MPDZ: variants seen among roughly 807,000 people sequenced by gnomAD.
The protein encoded by MPDZ is multiple PDZ domain crumbs cell polarity complex component.
A neutral mutation model predicts 239.1 loss-of-function variants in MPDZ; 234 were observed. The ratio of observed to expected loss-of-function variants is 0.98; its 90% CI spans 0.88 to 1.09. The LOEUF (loss-of-function observed/expected upper bound fraction) is 1.09. Among genes scored for constraint, MPDZ ranks in the 50% least tolerant of loss-of-function variants. MPDZ has a pLI of 0.00. For missense variants in MPDZ, 3,175 were observed against 2,510.0 expected (o/e 1.26, Z -5.66); for synonymous variants, 1,048 against 881.3 (o/e 1.19, Z -3.35).
intron 10 of MPDZ, among the ~76,000 whole-genome samples, chr9:13,208,328 C>T (rs539013602): frequency 1.4e-3 from 212 of 152,040 alleles, no homozygotes; most frequent in Non-Finnish European, 2.3e-3. Context: ...ATTGTAATCC[C>T]ATCTACTCAG....
chr9:13,168,452 G>C lies in MPDZ; in HGVS notation c.3168C>G (p.Ser1056=). The change falls in exon 22 of 47, where the codon TCC becomes TCG. Residue 1056 remains serine (S), a synonymous_variant. Coordinates refer to ENST00000319217, the MANE Select transcript of MPDZ (RefSeq NM_001378778.1). The part of the protein sequence containing the change: ...GRIAIGDCIL[S]INEESTISVT... ...CACTGATGGTAGACTCTTCATTAATGGACAAGATGCAGTCCCCAATGGCAA... is the reference window on the plus strand; with the variant it reads ...CACTGATGGTAGACTCTTCATTAATCGACAAGATGCAGTCCCCAATGGCAA... The C allele has an allele frequency of 6.2e-7, 1 of 1,613,492 alleles. No homozygotes were observed. Among genetic ancestry groups the C allele is most frequent in the Non-Finnish European group, 8.5e-7 (1 of 1,179,560 alleles).
chr9:13,151,509 G>C (rs1949167477), intron 24 of MPDZ, among the ~76,000 whole-genome samples: 1 of 152,066 alleles, frequency 6.6e-6, no homozygotes, highest in Admixed American at 6.6e-5. Context: ...AAGACATTAT[G>C]CTAAGTGAAG....
intron 3 of MPDZ, among the ~76,000 whole-genome samples, chr9:13,240,402 T>C (rs1040217757): frequency 6.6e-6 from 1 of 151,764 alleles, no homozygotes; most frequent in African/African-American, 2.4e-5. Context: ...GAATCTATGA[T>C]TAAAATCTGG....
intron 3 of MPDZ, among the ~76,000 whole-genome samples, chr9:13,239,270 G>C (rs1964803353): frequency 6.6e-6 from 1 of 152,082 alleles, no homozygotes; most frequent in East Asian, 1.9e-4. Context: ...TGCTGTGTAA[G>C]AAGAAAATAA....
chr9:13,120,062 T>C (rs958749632), intron 38 of MPDZ: 1 of 176,954 alleles, frequency 5.7e-6, no homozygotes, highest in African/African-American at 2.4e-5. Context: ...AATGTTGCTA[T>C]CACCATCATT....
At chr9:13,143,625 T>G (rs1344294753) in intron 26 of MPDZ, 61 bp from the exon 27 acceptor site, 1 of 1,360,792 alleles carries the variant, frequency 7.3e-7, no homozygotes, top group African/African-American at 1.4e-5. Context: ...AACTCAGTTT[T>G]AAAAGCAAAG....
chr9:13,194,791 TACCACCCG>T (rs1044262775), intron 13 of MPDZ, among the ~76,000 whole-genome samples: 10 of 152,062 alleles, frequency 6.6e-5, no homozygotes, highest in African/African-American at 2.4e-4. Context: ...ATTATTCAAT[TACCACCCG>T]AAGGACTGCA....
intron 21 of MPDZ, among the ~76,000 whole-genome samples, chr9:13,175,106 C>G (rs544702908): frequency 6.6e-6 from 1 of 152,182 alleles, no homozygotes. Flanking sequence ...AAAGACAGGG[C>G]TGAGTCACAT....
intron 22 of MPDZ, among the ~76,000 whole-genome samples, chr9:13,163,939 G>C (rs1341866875): frequency 2.6e-5 from 4 of 152,122 alleles, no homozygotes; most frequent in Non-Finnish European, 5.9e-5. Context: ...CTTGGGTTTG[G>C]AGTCGGAAGA....
At chr9:13,232,770 T>C (rs1962866444) in intron 3 of MPDZ, among the ~76,000 whole-genome samples, 1 of 144,714 alleles carries the variant, frequency 6.9e-6, no homozygotes, top group Non-Finnish European at 1.5e-5. Context: ...ATGGTTACAA[T>C]ACAAATATCC....
In MPDZ at chr9:13,221,506, A is replaced by T. The variant is rs768019207; in HGVS notation, c.748-6T>A. 3 of 1,607,996 alleles carry T rather than the reference A, an allele frequency of 1.9e-6. No individual in the cohort carries two copies. Among genetic ancestry groups the T allele is most frequent in the Non-Finnish European group, 2.5e-6 (3 of 1,176,610 alleles). On this transcript the variant is annotated splice_region_variant and splice_polypyrimidine_tract_variant and intron_variant, in intron 6 of 46. Coordinates refer to ENST00000319217, the MANE Select transcript of MPDZ (RefSeq NM_001378778.1). ...TCCATGTGTTGCCAGTGAACCTACA[A>T]ACAAAGCTCATATATGAATTTGTAG...
At position 13,190,241 on chromosome 9, in the gene MPDZ, G is replaced by A. The variant is rs1368309728; in HGVS notation, c.2027C>T (p.Ala676Val). Residue 676 changes from alanine to valine, a missense_variant, in exon 16 of 47, where the codon GCG becomes GTG. By Grantham distance (64) the Ala-to-Val change is moderately conservative (BLOSUM62 0). Transcript: ENST00000319217. ...GSSETEDPVL[A>V]MTDAGQSTEE... Reference sequence around the variant, plus strand: ...TGTACTCTGACCCGCATCAGTCATCGCCAGCACTGGATCCTCTGTCTCTGA... The same window carrying A: ...TGTACTCTGACCCGCATCAGTCATCACCAGCACTGGATCCTCTGTCTCTGA... The A allele has an allele frequency of 3.7e-6, 6 of 1,611,904 alleles. No homozygotes were observed. Among genetic ancestry groups the A allele is most frequent in the Admixed American group, 1.7e-5 (1 of 59,818 alleles).
At chr9:13,249,223 G>T (rs543874016) in intron 2 of MPDZ, among the ~76,000 whole-genome samples, 91 of 151,902 alleles carry the variant, frequency 6.0e-4, no homozygotes, top group Admixed American at 4.3e-3. Context: ...TCTGTTATAT[G>T]TCCCATGTTA....
chr9:13,190,111 T>C lies in MPDZ; in HGVS notation c.2154+3A>G, dbSNP rs1563992385. On this transcript the variant is annotated splice_donor_region_variant and intron_variant, in intron 16 of 46. Transcript: ENST00000319217. ...AAAATTGTTAAAAGTAGTATATACT[T>C]ACCTGATAATCTAAAATGCTAAAAC... 5 of 1,610,304 alleles carry C rather than the reference T, an allele frequency of 3.1e-6. No homozygotes were observed. The Admixed American group carries it at 5.0e-5, about 16-fold the overall frequency.
Position 13,221,437 on chromosome 9 carries a change from T to C in MPDZ, c.811A>G (p.Ile271Val), listed in dbSNP as rs1365929277. The change falls in exon 7 of 47, where the codon ATC (isoleucine) becomes GTC (valine). Residue 271 changes from isoleucine to valine, a missense_variant. Ile to Val is a conservative substitution (Grantham distance 29). Transcript: ENST00000319217. ...VNDGSGLGFG[I>V]IGGKATGVIV... ...ACACCAGTTGCTTTTCCTCCTATGA[T>C]GCCAAATCCCAAACCAGATCCATCA... is the stretch of plus-strand genomic sequence containing the variant. 6.2e-7 allele frequency: 1 copy of C among 1,611,538 alleles called. No homozygotes were observed. Among genetic ancestry groups the C allele is most frequent in the East Asian group, 2.2e-5 (1 of 44,726 alleles).
chr9:13,233,802 A>C (rs919956367), intron 3 of MPDZ, among the ~76,000 whole-genome samples: 7 of 152,200 alleles, frequency 4.6e-5, no homozygotes, highest in African/African-American at 1.4e-4. Context: ...CTATGAATTT[A>C]AAGTTCATTC....
intron 1 of MPDZ, among the ~76,000 whole-genome samples, chr9:13,261,159 A>T (rs1459317687): frequency 6.6e-6 from 1 of 152,212 alleles, no homozygotes. Context: ...AGGGATGAAG[A>T]AGCTAAAATG....
At chr9:13,222,120 G>A in intron 6 of MPDZ, 113 bp downstream of exon 6, 1 of 728,876 alleles carries the variant, frequency 1.4e-6, no homozygotes, top group Non-Finnish European at 2.1e-6. Flanking sequence ...TAAAAGAATA[G>A]TCAGACAAAA....
intron 3 of MPDZ, among the ~76,000 whole-genome samples, chr9:13,239,521 C>A (rs1036517248): frequency 3.3e-5 from 5 of 152,018 alleles, no homozygotes; most frequent in Non-Finnish European, 2.9e-5. Flanking sequence ...AATGATGTAC[C>A]TTTTCAATGT....
Sources: allele counts gnomAD v4.1 joint callset (sites outside exome capture counted in the v4.1 genomes callset), GRCh38; gene constraint gnomAD v4.1.1; transcripts MANE v1.5; gene names NCBI Gene and HGNC (gene_info 2026-07-23, HGNC 2026-07-21).